The following AKAIN1 variants were observed in gnomAD, a reference collection of about 807,000 sequenced individuals.
AKAIN1 encodes A-kinase anchor inhibitor 1, also known as A-kinase anchor protein inhibitor 1.
In AKAIN1, 3 loss-of-function variants were observed where a neutral mutation model predicts 3.7. That is an observed-to-expected ratio of 0.82 (90% confidence interval 0.37 to 2.12). The LOEUF (loss-of-function observed/expected upper bound fraction) is 2.12, where lower values mean the gene tolerates loss of function less well. Ranked by LOEUF, AKAIN1 falls within the 30% of genes most tolerant of loss-of-function variation. The probability of loss-of-function intolerance (pLI) is 0.06; values close to 1 mark genes in which losing one functional copy is unlikely to be tolerated. For synonymous variants in AKAIN1, 31 were observed against 30.8 expected (o/e 1.01, Z -0.02); for missense variants, 82 against 82.7 (o/e 0.99, Z 0.03).
chr18:5,176,301 G>A (rs1017734655), intron 1 of AKAIN1, among the ~76,000 whole-genome samples: 5 of 152,080 alleles, frequency 3.3e-5, no homozygotes, highest in Non-Finnish European at 7.4e-5. Flanking sequence ...TAGCTGGGTG[G>A]TAGTGGTACA....
At chr18:5,165,212 T>A (rs1364353087) in intron 1 of AKAIN1, among the ~76,000 whole-genome samples, 5 of 151,970 alleles carry the variant, frequency 3.3e-5, no homozygotes, top group Non-Finnish European at 7.4e-5. Context: ...TCAACCTGCA[T>A]CTTCTACTTA....
chr18:5,179,696 T>C (rs901386825), intron 1 of AKAIN1, among the ~76,000 whole-genome samples: 10 of 152,096 alleles, frequency 6.6e-5, no homozygotes, highest in African/African-American at 1.9e-4. Context: ...GCAGTGGTCA[T>C]TAAAAGAAGA....
chr18:5,153,286 C>T (rs1360774850), intron 1 of AKAIN1, among the ~76,000 whole-genome samples: 1 of 151,046 alleles, frequency 6.6e-6, no homozygotes, highest in Non-Finnish European at 1.5e-5. Flanking sequence ...AATCAAGATG[C>T]TTATTGAGTT....
At chr18:5,159,929 G>A (rs1463813203) in intron 1 of AKAIN1, among the ~76,000 whole-genome samples, 1 of 152,118 alleles carries the variant, frequency 6.6e-6, no homozygotes, top group Non-Finnish European at 1.5e-5. Context: ...ATTGTTGTCT[G>A]TATCTTTGGT....
chr18:5,145,828 G>A (rs1231394860), intron 1 of AKAIN1, 73 bp from the exon 2 acceptor site: 2 of 1,300,008 alleles, frequency 1.5e-6, no homozygotes, highest in Non-Finnish European at 2.1e-6. Context: ...AAAGGTAGAG[G>A]AGAAAGATGG....
chr18:5,149,312 G>C (rs1284549015), intron 1 of AKAIN1, among the ~76,000 whole-genome samples: 2 of 152,172 alleles, frequency 1.3e-5, no homozygotes, highest in Non-Finnish European at 2.9e-5. Flanking sequence ...GCTGCACAAA[G>C]CACACATACT....
At chr18:5,147,102 GT>G (rs2071053673) in intron 1 of AKAIN1, among the ~76,000 whole-genome samples, 1 of 152,148 alleles carries the variant, frequency 6.6e-6, no homozygotes, top group African/African-American at 2.4e-5. Flanking sequence ...AAGGCCTTTT[GT>G]CCTCTCCCCA....
At chr18:5,159,854 A>G (rs1291615313) in intron 1 of AKAIN1, among the ~76,000 whole-genome samples, 2 of 152,174 alleles carry the variant, frequency 1.3e-5, no homozygotes, top group Non-Finnish European at 2.9e-5. Context: ...CGAAAGATAA[A>G]TCATCTCCAG....
chr18:5,165,122 C>T (rs987598978), intron 1 of AKAIN1, among the ~76,000 whole-genome samples: 5 of 151,744 alleles, frequency 3.3e-5, no homozygotes, highest in African/African-American at 7.3e-5. Flanking sequence ...AACATAAAAA[C>T]GAATTGAGGA....
intron 1 of AKAIN1, among the ~76,000 whole-genome samples, chr18:5,192,744 AT>A (rs1294414955): frequency 2.0e-5 from 3 of 152,028 alleles, no homozygotes; most frequent in Non-Finnish European, 2.9e-5. Context: ...GAAAAGGCAA[AT>A]CCATGGGGAT....
At chr18:5,172,480 C>T (rs530891941) in intron 1 of AKAIN1, among the ~76,000 whole-genome samples, 46 of 152,118 alleles carry the variant, frequency 3.0e-4, no homozygotes, top group African/African-American at 9.1e-4. Flanking sequence ...TAAAGAATGA[C>T]TCATCTTTGA....
intron 1 of AKAIN1, among the ~76,000 whole-genome samples, chr18:5,176,940 G>GGT (rs2071230043): frequency 6.6e-6 from 1 of 151,700 alleles, no homozygotes; most frequent in East Asian, 1.9e-4. Context: ...TACTTCCAAG[G>GGT]GTATATATAA....
intron 1 of AKAIN1, among the ~76,000 whole-genome samples, chr18:5,183,999 C>A (rs1265598592): frequency 2.0e-5 from 3 of 152,024 alleles, no homozygotes; most frequent in Admixed American, 2.0e-4. Context: ...ATTCAAGAGT[C>A]ATTTTAAACA....
At chr18:5,196,001 G>T (rs1287994961) in intron 1 of AKAIN1, among the ~76,000 whole-genome samples, 1 of 151,800 alleles carries the variant, frequency 6.6e-6, no homozygotes, top group Non-Finnish European at 1.5e-5. Flanking sequence ...TGAATTTTTT[G>T]AAGAAAAGAC....
intron 1 of AKAIN1, among the ~76,000 whole-genome samples, chr18:5,180,912 T>C (rs916953109): frequency 6.6e-6 from 1 of 152,118 alleles, no homozygotes; most frequent in Non-Finnish European, 1.5e-5. Context: ...AGACTCATTA[T>C]ACTTGTCCAG....
At chr18:5,152,724 G>C (rs1447414260) in intron 1 of AKAIN1, among the ~76,000 whole-genome samples, 1 of 152,148 alleles carries the variant, frequency 6.6e-6, no homozygotes, top group Non-Finnish European at 1.5e-5. Flanking sequence ...GAGCAGGAAG[G>C]CAAGAACATT....
At chr18:5,176,054 C>T (rs1302487920) in intron 1 of AKAIN1, among the ~76,000 whole-genome samples, 1 of 152,044 alleles carries the variant, frequency 6.6e-6, no homozygotes, top group African/African-American at 2.4e-5. Context: ...CAGACATTGC[C>T]AAATGTCCCC....
intron 1 of AKAIN1, among the ~76,000 whole-genome samples, chr18:5,165,908 T>C (rs1262198354): frequency 6.6e-6 from 1 of 152,040 alleles, no homozygotes; most frequent in South Asian, 2.1e-4. Context: ...AATAAAGTTA[T>C]AGGCTTGCAG....
intron 1 of AKAIN1, among the ~76,000 whole-genome samples, chr18:5,162,717 CA>C (rs1299367896): frequency 6.7e-6 from 1 of 149,370 alleles, no homozygotes; most frequent in Non-Finnish European, 1.5e-5. Context: ...TCTCATTTTG[CA>C]TATTTCTCTT....
Sources: allele counts gnomAD v4.1 joint callset (sites outside exome capture counted in the v4.1 genomes callset), GRCh38; gene constraint gnomAD v4.1.1; transcripts MANE v1.5; gene names NCBI Gene and HGNC (gene_info 2026-07-23, HGNC 2026-07-21).